The following ST3GAL3 variants were observed in gnomAD, a reference collection of about 807,000 sequenced individuals.
ST3GAL3 encodes the protein ST3 beta-galactoside alpha-2,3-sialyltransferase 3, also known as CMP-N-acetylneuraminate-beta-1,4-galactoside alpha-2,3-sialyltransferase.
In ST3GAL3, 21 loss-of-function variants were observed where a neutral mutation model predicts 50.1. That is an observed-to-expected ratio of 0.42 (90% CI 0.30 to 0.60). The LOEUF (loss-of-function observed/expected upper bound fraction) is 0.60. Among genes scored for constraint, ST3GAL3 ranks in the 20% least tolerant of loss-of-function variants. The pLI, the probability that ST3GAL3 is intolerant of heterozygous loss-of-function variation, is 0.19. For missense variants in ST3GAL3, 353 were observed against 489.4 expected, an observed-to-expected ratio of 0.72 and a Z score of 2.63; for synonymous variants, 183 against 190.0, an observed-to-expected ratio of 0.96 and a Z score of 0.30.
intron 2 of ST3GAL3, among the ~76,000 whole-genome samples, chr1:43,750,733 TA>T (rs78962106): frequency 6.0e-3 from 828 of 137,820 alleles, no homozygotes; most frequent in Non-Finnish European, 5.0e-3. Context: ...CTACAACAAG[TA>T]AAAAAAAAAA....
chr1:43,878,103 C>G (rs1414199139), intron 5 of ST3GAL3, among the ~76,000 whole-genome samples: 5 of 152,180 alleles, frequency 3.3e-5, no homozygotes, highest in African/African-American at 1.2e-4. Context: ...ATATCCGTCT[C>G]TCGCCTCTTC....
At chr1:43,917,492 A>ATAATATATATTATAT (rs2082071055) in intron 9 of ST3GAL3, among the ~76,000 whole-genome samples, 2 of 41,714 alleles carry the variant, frequency 4.8e-5, no homozygotes, top group Admixed American at 9.9e-4. Context: ...AATATATAAT[A>ATAATATATATTATAT]TATATAATAT....
intron 3 of ST3GAL3, chr1:43,801,415 G>A: frequency 2.2e-6 from 1 of 455,710 alleles, no homozygotes. Context: ...TCCATTCTGG[G>A]GCTCAGTAGC....
intron 5 of ST3GAL3, among the ~76,000 whole-genome samples, chr1:43,872,465 G>A (rs776471001): frequency 6.6e-6 from 1 of 151,806 alleles, no homozygotes; most frequent in Non-Finnish European, 1.5e-5. Flanking sequence ...GGGAGAGGGA[G>A]GGCATGGCAG....
At chr1:43,710,849 A>G (rs1254666512) in intron 1 of ST3GAL3, among the ~76,000 whole-genome samples, 1 of 152,170 alleles carries the variant, frequency 6.6e-6, no homozygotes, top group East Asian at 1.9e-4. Context: ...TTAAACCACC[A>G]TAACATTAGA....
At chr1:43,747,305 G>A (rs1232131249) in intron 2 of ST3GAL3, among the ~76,000 whole-genome samples, 3 of 151,882 alleles carry the variant, frequency 2.0e-5, no homozygotes, top group Admixed American at 1.3e-4. Flanking sequence ...CCAGCTACTC[G>A]GGAGGCTGAG....
At chr1:43,857,479 CCTTCCTTCCTTCCTTCCTTCCCT>C (rs1305670542) in intron 5 of ST3GAL3, among the ~76,000 whole-genome samples, 2 of 148,618 alleles carry the variant, frequency 1.3e-5, no homozygotes, top group African/African-American at 4.9e-5. Flanking sequence ...CTCCTTCCTT[CCTTCCTTCCTTCCTTCCTTCCCT>C]CTTCCTTCCT....
At chr1:43,806,259 T>G (rs566177697) in intron 3 of ST3GAL3, among the ~76,000 whole-genome samples, 1 of 152,290 alleles carries the variant, frequency 6.6e-6, no homozygotes, top group Non-Finnish European at 1.5e-5. Flanking sequence ...AGTGATGGCT[T>G]TATCTTGAAG....
intron 4 of ST3GAL3, among the ~76,000 whole-genome samples, chr1:43,829,813 G>A (rs1211049688): frequency 6.6e-6 from 1 of 151,894 alleles, no homozygotes; most frequent in Admixed American, 6.5e-5. Flanking sequence ...ATACCCAAAG[G>A]TAATCTTTTA....
At chr1:43,753,269 A>G (rs1236217632) in intron 2 of ST3GAL3, among the ~76,000 whole-genome samples, 1 of 152,196 alleles carries the variant, frequency 6.6e-6, no homozygotes, top group Non-Finnish European at 1.5e-5. Flanking sequence ...TGGTGTGCAG[A>G]CTGCTTAATG....
intron 2 of ST3GAL3, among the ~76,000 whole-genome samples, chr1:43,774,486 C>T (rs1235164074): frequency 6.6e-6 from 1 of 152,038 alleles, no homozygotes; most frequent in East Asian, 1.9e-4. Context: ...CATTGCTGAT[C>T]GTGGACTGGA....
intron 3 of ST3GAL3, among the ~76,000 whole-genome samples, chr1:43,810,951 A>G (rs1420150994): frequency 6.6e-6 from 1 of 151,844 alleles, no homozygotes; most frequent in African/African-American, 2.4e-5. Flanking sequence ...GCCCCTTCCT[A>G]TGTTTTGGTT....
intron 5 of ST3GAL3, among the ~76,000 whole-genome samples, chr1:43,888,069 A>G (rs767381416): frequency 1.3e-5 from 2 of 152,160 alleles, no homozygotes; most frequent in Non-Finnish European, 2.9e-5. Context: ...AAAAACAAGC[A>G]TGCAAATCTC....
intron 5 of ST3GAL3, among the ~76,000 whole-genome samples, chr1:43,846,513 T>A (rs2066279657): frequency 6.6e-6 from 1 of 152,218 alleles, no homozygotes; most frequent in South Asian, 2.1e-4. Flanking sequence ...TACTTTTGTT[T>A]GTGGGAAGGA....
At chr1:43,769,843 A>G (rs774286525) in intron 2 of ST3GAL3, among the ~76,000 whole-genome samples, 4 of 152,160 alleles carry the variant, frequency 2.6e-5, no homozygotes, top group Non-Finnish European at 5.9e-5. Context: ...TTTATGTACT[A>G]GTTCTGTTTT....
At chr1:43,831,378 T>TA (rs2154192126) in intron 4 of ST3GAL3, among the ~76,000 whole-genome samples, 1 of 152,352 alleles carries the variant, frequency 6.6e-6, no homozygotes, top group Non-Finnish European at 1.5e-5. Flanking sequence ...TATATTGACT[T>TA]ACTAAGGATT....
rs143955404 is a variant in ST3GAL3 at position 43,771,730 on chromosome 1, T to TTGTGTG, written c.119-20336_119-20331dup. Among the ~76,000 whole-genome samples, 1,285 of 145,090 alleles carry TTGTGTG rather than the reference T, an allele frequency of 8.9e-3. 18 individuals carry two copies. Among genetic ancestry groups the TTGTGTG allele is most frequent in the African/African-American group, 0.029 (1,108 of 38,424 alleles). On this transcript the variant is annotated intron_variant, in intron 2 of 11. Coordinates refer to ENST00000347631, the MANE Select transcript of ST3GAL3 (RefSeq NM_006279.5). ...CTCAGATTATAATGTTTTAATAAAGTTGTGTGTGTGTGTGTGTGTGTGTGT... is the reference window on the plus strand; with the variant it reads ...CTCAGATTATAATGTTTTAATAAAGTTGTGTGTGTGTGTGTGTGTGTGTGTGTGTGT...
chr1:43,805,174 A>T (rs1054595681), intron 3 of ST3GAL3, among the ~76,000 whole-genome samples: 2 of 152,216 alleles, frequency 1.3e-5, no homozygotes, highest in Admixed American at 1.3e-4. Flanking sequence ...TGGAAGCTAA[A>T]CATCGAGCCC....
At chr1:43,929,388 T>C (rs1159255020) in intron 11 of ST3GAL3, among the ~76,000 whole-genome samples, 1 of 151,850 alleles carries the variant, frequency 6.6e-6, no homozygotes, top group Non-Finnish European at 1.5e-5. Flanking sequence ...CACTGCAACC[T>C]CTGCCTCCCG....
Sources: gnomAD v4.1 joint callset for allele counts (sites outside exome capture counted in the v4.1 genomes callset) on GRCh38, gnomAD v4.1.1 for gene constraint, MANE v1.5 for transcripts, NCBI Gene and HGNC (gene_info 2026-07-23, HGNC 2026-07-21) for gene names.